Variants in KLF13 observed in about 807,000 individuals in gnomAD.
KLF13 encodes the protein Krueppel-like factor 13.
A neutral mutation model predicts 16.7 loss-of-function variants in KLF13; 8 were observed. The observed-to-expected ratio is 0.48, with a 90% CI of 0.28 to 0.87. KLF13 has a LOEUF of 0.87. KLF13 is among the 40% of genes least tolerant of loss of function. KLF13 has a pLI of 0.10. For synonymous variants in KLF13, 245 were observed against 208.4 expected, an observed-to-expected ratio of 1.18 and a Z score of -1.51; for missense variants, 447 against 452.2, an observed-to-expected ratio of 0.99 and a Z score of 0.10.
chr15:31,427,510 A>C (rs752982857), intron 1 of KLF13, among the ~76,000 whole-genome samples: 13 of 152,230 alleles, frequency 8.5e-5, no homozygotes, highest in Admixed American at 4.6e-4. Flanking sequence ...TGATGTTTGC[A>C]CACCCATGCT....
At chr15:31,383,178 C>T (rs1404481088) in intron 1 of KLF13, among the ~76,000 whole-genome samples, 1 of 152,252 alleles carries the variant, frequency 6.6e-6, no homozygotes, top group Non-Finnish European at 1.5e-5. Flanking sequence ...ATGAACACAG[C>T]TGCTCCCTGT....
At chr15:31,348,695 A>G (rs796311414) in intron 1 of KLF13, among the ~76,000 whole-genome samples, 70 of 152,036 alleles carry the variant, frequency 4.6e-4, no homozygotes, top group African/African-American at 1.6e-3. Context: ...CGGTGCTGGC[A>G]TTGTAGAGTT....
chr15:31,392,413 C>G (rs2039884564), upstream of KLF13, among the ~76,000 whole-genome samples: 2 of 152,166 alleles, frequency 1.3e-5, no homozygotes, highest in African/African-American at 4.8e-5. Flanking sequence ...CGGTGCTGAG[C>G]CTCGAGCCGC....
intron 1 of KLF13, among the ~76,000 whole-genome samples, chr15:31,359,265 A>G (rs1263791082): frequency 6.6e-6 from 1 of 152,258 alleles, no homozygotes; most frequent in Non-Finnish European, 1.5e-5. Flanking sequence ...TTCTGTTGGC[A>G]GAAACCATTG....
chr15:31,380,948 C>G (rs2039716094), downstream of KLF13, among the ~76,000 whole-genome samples: 1 of 152,166 alleles, frequency 6.6e-6, no homozygotes, highest in Non-Finnish European at 1.5e-5. Flanking sequence ...CCAAGGCAGG[C>G]AGATCACGAG....
At chr15:31,362,705 C>T (rs1056511741) in intron 1 of KLF13, among the ~76,000 whole-genome samples, 2 of 152,212 alleles carry the variant, frequency 1.3e-5, no homozygotes, top group Non-Finnish European at 2.9e-5. Context: ...TGTCAACCTT[C>T]CCTGTTCTCC....
intron 1 of KLF13, among the ~76,000 whole-genome samples, chr15:31,413,828 C>A (rs1038531599): frequency 6.6e-6 from 1 of 152,262 alleles, no homozygotes; most frequent in Admixed American, 6.5e-5. Flanking sequence ...AAGTTACTGT[C>A]TTTTAAAAAG....
chr15:31,430,768 T>C (rs1171084072), intron 1 of KLF13, among the ~76,000 whole-genome samples: 1 of 152,252 alleles, frequency 6.6e-6, no homozygotes, highest in Non-Finnish European at 1.5e-5. Flanking sequence ...TAAATGTTCC[T>C]TAATCATGTA....
intron 1 of KLF13, among the ~76,000 whole-genome samples, chr15:31,385,489 T>C (rs2039784546): frequency 2.0e-5 from 3 of 152,264 alleles, no homozygotes; most frequent in East Asian, 1.9e-4. Context: ...TGGTGCCATT[T>C]TTCCAACAGC....
At chr15:31,333,677 C>G (rs1021856460) in intron 1 of KLF13, among the ~76,000 whole-genome samples, 18 of 152,164 alleles carry the variant, frequency 1.2e-4, no homozygotes, top group African/African-American at 4.3e-4. Context: ...ATTCAGTTCC[C>G]CTAGTGATTC....
intron 1 of KLF13, among the ~76,000 whole-genome samples, chr15:31,421,327 T>A (rs1413329184): frequency 6.6e-6 from 1 of 152,046 alleles, no homozygotes; most frequent in Non-Finnish European, 1.5e-5. Context: ...GTAAAAAATA[T>A]AAAGCACTCA....
intron 1 of KLF13, among the ~76,000 whole-genome samples, chr15:31,340,925 TA>T (rs1258633849): frequency 6.6e-6 from 1 of 152,146 alleles, no homozygotes; most frequent in Admixed American, 6.5e-5. Flanking sequence ...TGGAAAGTGT[TA>T]AAGGAGTCCA....
At chr15:31,405,249 G>A (rs118057342), downstream of KLF13, among the ~76,000 whole-genome samples, 1,262 of 152,190 alleles carry the variant, frequency 8.3e-3, 7 homozygotes, top group Middle Eastern at 0.048. Context: ...GGGAGGCAGC[G>A]ATTGCAGTGA....
At chr15:31,390,805 C>T (rs916642066), upstream of KLF13, among the ~76,000 whole-genome samples, 3 of 151,974 alleles carry the variant, frequency 2.0e-5, no homozygotes, top group African/African-American at 2.4e-5. Context: ...TCTCTGTGTT[C>T]GGCATTATCC....
intron 2 of KLF13, among the ~76,000 whole-genome samples, chr15:31,402,440 C>T (rs1046170418): frequency 6.6e-6 from 1 of 152,226 alleles, no homozygotes; most frequent in Non-Finnish European, 1.5e-5. Flanking sequence ...AGAGGGTTCC[C>T]AAGTGGTCCC....
intron 1 of KLF13, among the ~76,000 whole-genome samples, chr15:31,332,131 ATT>A (rs1188912187): frequency 6.6e-6 from 1 of 152,054 alleles, no homozygotes; most frequent in African/African-American, 2.4e-5. Flanking sequence ...AGGAGCTGGC[ATT>A]TCTGTAGGAT....
chr15:31,360,003 T>C (rs1389906016), intron 1 of KLF13, among the ~76,000 whole-genome samples: 1 of 152,196 alleles, frequency 6.6e-6, no homozygotes, highest in Non-Finnish European at 1.5e-5. Context: ...CAGCTCTTGC[T>C]AGCCCTCCCT....
intron 1 of KLF13, among the ~76,000 whole-genome samples, chr15:31,423,170 T>TATACGTATAC (rs2040363882): frequency 1.4e-5 from 1 of 71,782 alleles, no homozygotes; most frequent in Admixed American, 1.5e-4. Flanking sequence ...TATATGTATA[T>TATACGTATAC]ATATACATAT....
intron 1 of KLF13, among the ~76,000 whole-genome samples, chr15:31,356,485 G>A (rs1399480436): frequency 6.6e-6 from 1 of 152,232 alleles, no homozygotes; most frequent in Non-Finnish European, 1.5e-5. Flanking sequence ...CCGGGAGACA[G>A]AGGTTTCAAT....
Sources: allele counts gnomAD v4.1 joint callset (sites outside exome capture counted in the v4.1 genomes callset), GRCh38; gene constraint gnomAD v4.1.1; transcripts MANE v1.5; gene names NCBI Gene and HGNC (gene_info 2026-07-23, HGNC 2026-07-21).